The following HHIP variants were observed in gnomAD, a reference collection of about 807,000 sequenced individuals.
HHIP encodes the protein hedgehog interacting protein, also known as hedgehog-interacting protein.
HHIP carries 12 observed loss-of-function variants against 74.0 expected under a neutral mutation model. The observed-to-expected ratio is 0.16, with a 90% confidence interval of 0.10 to 0.26. The LOEUF (loss-of-function observed/expected upper bound fraction) is 0.26. Among genes scored for constraint, HHIP ranks in the 10% least tolerant of loss-of-function variants. The probability of loss-of-function intolerance (pLI) is 1.00; values close to 1 mark genes in which losing one functional copy is unlikely to be tolerated. For missense variants in HHIP, 788 were observed against 845.0 expected (o/e 0.93, Z 0.84); for synonymous variants, 309 against 311.6 (o/e 0.99, Z 0.09).
chr4:144,688,707 C>T (rs1294983291), intron 4 of HHIP, among the ~76,000 whole-genome samples: 2 of 152,130 alleles, frequency 1.3e-5, no homozygotes, highest in African/African-American at 2.4e-5. Context: ...TGTTAATTAA[C>T]TCTGCCAGAC....
intron 10 of HHIP, among the ~76,000 whole-genome samples, chr4:144,715,825 T>A (rs1203444779): frequency 1.3e-5 from 2 of 152,226 alleles, no homozygotes; most frequent in Non-Finnish European, 2.9e-5. Context: ...TAAAAAAGTT[T>A]TGTTGGAATC....
intron 4 of HHIP, among the ~76,000 whole-genome samples, chr4:144,672,168 C>A (rs1729056524): frequency 6.6e-6 from 1 of 152,060 alleles, no homozygotes; most frequent in East Asian, 1.9e-4. Flanking sequence ...ACATACTTTG[C>A]TTTATTTTGA....
chr4:144,673,005 A>T (rs984327221), intron 4 of HHIP, among the ~76,000 whole-genome samples: 1 of 152,318 alleles, frequency 6.6e-6, no homozygotes, highest in East Asian at 1.9e-4. Context: ...CTCCGGCCCA[A>T]ACTTTTTAAA....
In HHIP at chr4:144,707,104, T is replaced by G. The variant is rs776655127; in HGVS notation, c.1001T>G (p.Val334Gly). ...CAATGTAGAAAAAATCCACACCAAG[T>G]TGATTTGAGAACAGCCAGAGTCTTT... ...YTVSRKNPHQ[V>G]DLRTARVFLE... The change falls in exon 6 of 13, where the codon GTT becomes GGT. Residue 334 changes from valine to glycine, a missense_variant. Transcript: ENST00000296575. The G allele has an allele frequency of 1.2e-6, 2 of 1,614,076 alleles. No homozygotes were observed. Among genetic ancestry groups the G allele is most frequent in the Non-Finnish European group, 8.5e-7 (1 of 1,179,968 alleles).
intron 1 of HHIP, 87 bp downstream of exon 1, chr4:144,647,041 A>C: frequency 8.0e-7 from 1 of 1,257,478 alleles, no homozygotes; most frequent in Non-Finnish European, 1.1e-6. Context: ...GGTGGTTGTA[A>C]GAAGGTCAAA....
rs1035365507 is a variant in HHIP at position 144,706,558 on chromosome 4, C to A, written c.859C>A (p.Leu287Ile). 1.2e-6 allele frequency: 2 copies of A among 1,612,094 alleles called. No individual in the cohort carries two copies. Among genetic ancestry groups the A allele is most frequent in the Admixed American group, 3.3e-5 (2 of 59,840 alleles). The change falls in exon 5 of 13, where the codon CTC (leucine) becomes ATC (isoleucine). Residue 287 changes from leucine (L) to isoleucine (I), a missense_variant. Leu to Ile is a conservative substitution (Grantham distance 5). Around this residue, in one of 3 missense-constraint regions of HHIP, gnomAD observed 373 missense variants for 366.4 expected, o/e 1.02. Transcript: ENST00000296575. The part of the protein sequence containing the change: ...KGGDERGLLS[L>I]AFHPNYKKNG... The stretch of plus-strand genomic sequence containing the variant: ...AGGAGATGAAAGAGGACTGCTAAGC[C>A]TCGCATTCCATCCCAATTACAAGAA...
In HHIP at chr4:144,745,161, T is replaced by TTAAGTGTACAA. The variant is rs1285652971; in HGVS notation, c.*7205_*7206insAAGTGTACAAT. 6.6e-6 allele frequency: 1 copy of TTAAGTGTACAA among 152,200 alleles called. No individual in the cohort carries two copies. The highest frequency in any genetic ancestry group is 1.5e-5 in the Non-Finnish European group (1 of 68,038). The allele number at this position is 152,200 out of a possible 1,614,324, so 9.4% of individuals were successfully genotyped here. Reference sequence around the variant, plus strand: ...AAAGGACGTTTAAGTGTACAATTTCTTTTCTTAATTTAATATATTTATGTA... The same window carrying TTAAGTGTACAA: ...AAAGGACGTTTAAGTGTACAATTTCTTAAGTGTACAATTTCTTAATTTAATATATTTATGTA... On this transcript the variant is annotated 3_prime_UTR_variant, in exon 13 of 13. Transcript: ENST00000296575.
At chr4:144,695,114 C>G (rs1336227305) in intron 4 of HHIP, among the ~76,000 whole-genome samples, 1 of 151,592 alleles carries the variant, frequency 6.6e-6, no homozygotes, top group Non-Finnish European at 1.5e-5. Flanking sequence ...AAAGGAAATA[C>G]TTGCTTTTCT....
intron 11 of HHIP, among the ~76,000 whole-genome samples, chr4:144,723,093 C>T (rs1730683701): frequency 6.6e-6 from 1 of 151,838 alleles, no homozygotes; most frequent in African/African-American, 2.4e-5. Flanking sequence ...GAAACATTTC[C>T]AGAGTTTATG....
At chr4:144,702,101 C>T (rs1730003049) in intron 4 of HHIP, among the ~76,000 whole-genome samples, 1 of 151,758 alleles carries the variant, frequency 6.6e-6, no homozygotes, top group South Asian at 2.1e-4. Flanking sequence ...TGCAGTGAGC[C>T]ATGATTGTGA....
chr4:144,658,157 C>T (rs1171122991), intron 2 of HHIP, among the ~76,000 whole-genome samples: 1 of 152,068 alleles, frequency 6.6e-6, no homozygotes, highest in African/African-American at 2.4e-5. Flanking sequence ...ACAGGTACAA[C>T]ATACAGTAAC....
chr4:144,668,049 G>A (rs1444823620), intron 4 of HHIP, among the ~76,000 whole-genome samples: 1 of 152,046 alleles, frequency 6.6e-6, no homozygotes, highest in African/African-American at 2.4e-5. Flanking sequence ...CAGGCGCAGT[G>A]GCTCACACCT....
Position 144,693,995 on chromosome 4 carries a change from C to T in HHIP, c.832-12536C>T, listed in dbSNP as rs1034683119. Among the ~76,000 whole-genome samples, 6 of 151,782 alleles carry T rather than the reference C, an allele frequency of 4.0e-5. No homozygotes were observed. In the South Asian group the frequency reaches 1.2e-3, roughly 31 times the overall value. ...ATATTTTGGAATAAGAATAATTTTT[C>T]ATATTAAAAATGAATGTTTAGATTG... On this transcript the variant is annotated intron_variant, in intron 4 of 12. Transcript: ENST00000296575.
In HHIP at chr4:144,737,754, T is replaced by C. The variant is rs1731158010; in HGVS notation, c.1910-10T>C. 1 of 1,591,872 alleles carries C rather than the reference T, an allele frequency of 6.3e-7. No individual in the cohort carries two copies. The highest frequency in any genetic ancestry group is 1.3e-5 in the African/African-American group (1 of 74,424). On this transcript the variant is annotated splice_polypyrimidine_tract_variant and intron_variant, in intron 12 of 12. Coordinates refer to ENST00000296575, the MANE Select transcript of HHIP (RefSeq NM_022475.3). ...GAGAGTGTGATGTTCTTGCTCTTTTTCTCTCCCAGCAAAATGTGAGCCAGC... is the reference window on the plus strand; with the variant it reads ...GAGAGTGTGATGTTCTTGCTCTTTTCCTCTCCCAGCAAAATGTGAGCCAGC...
Position 144,715,361 on chromosome 4 carries a change from C to T in HHIP, c.1609C>T (p.Leu537Phe). ...GCAGTGGCAAGAAAAACCACTCTGT[C>T]TCGGCACTAGTGGGTCCTGTAGAGG... is the stretch of plus-strand genomic sequence containing the variant. The part of the protein sequence containing the change: ...TKQWQEKPLC[L>F]GTSGSCRGYF... Residue 537 changes from leucine (L) to phenylalanine (F), a missense_variant, in exon 10 of 13, where the codon CTC becomes TTC. Physicochemically the swap from Leu to Phe is conservative, Grantham distance 22. Coordinates refer to ENST00000296575, the MANE Select transcript of HHIP (RefSeq NM_022475.3). 5.0e-6 allele frequency: 8 copies of T among 1,613,514 alleles called. No homozygotes were observed. The highest frequency in any genetic ancestry group is 6.8e-6 in the Non-Finnish European group (8 of 1,179,530).
Position 144,717,996 on chromosome 4 carries a change from T to A in HHIP, c.1679-879T>A, listed in dbSNP as rs572306278. Among the ~76,000 whole-genome samples, 6 of 152,324 alleles carry A rather than the reference T, an allele frequency of 3.9e-5. No individual in the cohort carries two copies. The East Asian group carries it at 1.2e-3, about 29-fold the overall frequency. ...ACAAATATTTATTGAGCACCTTCTCTGTGCAAAGCTCTGTTCTGGATGCTG... is the reference window on the plus strand; with the variant it reads ...ACAAATATTTATTGAGCACCTTCTCAGTGCAAAGCTCTGTTCTGGATGCTG... On this transcript the variant is annotated intron_variant, in intron 10 of 12. Coordinates refer to ENST00000296575, the MANE Select transcript of HHIP (RefSeq NM_022475.3).
chr4:144,665,689 C>T (rs1050824330), intron 4 of HHIP, among the ~76,000 whole-genome samples: 2 of 152,090 alleles, frequency 1.3e-5, no homozygotes, highest in Non-Finnish European at 2.9e-5. Context: ...TTGATAAAAC[C>T]TTTCAATAAG....
At chr4:144,670,759 G>A (rs894395501) in intron 4 of HHIP, among the ~76,000 whole-genome samples, 22 of 34,844 alleles carry the variant, frequency 6.3e-4, no homozygotes, top group Admixed American at 1.1e-3. Flanking sequence ...AGATGCTTAA[G>A]ATTTGAAAAA....
intron 10 of HHIP, among the ~76,000 whole-genome samples, chr4:144,716,589 T>G (rs1730449367): frequency 6.6e-6 from 1 of 152,168 alleles, no homozygotes; most frequent in Admixed American, 6.6e-5. Context: ...GGCTCACGCC[T>G]GTAATCCCAG....
Sources: allele counts gnomAD v4.1 joint callset (sites outside exome capture counted in the v4.1 genomes callset), GRCh38; gene constraint gnomAD v4.1.1; regional missense constraint gnomAD v4.1.1; transcripts MANE v1.5; gene names NCBI Gene and HGNC (gene_info 2026-07-23, HGNC 2026-07-21).